ZFYVE28: variants seen among roughly 807,000 people sequenced by gnomAD.
The protein encoded by ZFYVE28 is lateral signaling target protein 2 homolog.
A neutral mutation model predicts 82.1 loss-of-function variants in ZFYVE28; 40 were observed. That is an observed-to-expected ratio of 0.49 (90% CI 0.38 to 0.63). The LOEUF (loss-of-function observed/expected upper bound fraction) is 0.63, where lower values mean the gene tolerates loss of function less well. Among genes scored for constraint, ZFYVE28 ranks in the 30% least tolerant of loss-of-function variants. The pLI, the probability that ZFYVE28 is intolerant of heterozygous loss-of-function variation, is 0.00. For synonymous variants in ZFYVE28, 612 were observed against 546.1 expected, an observed-to-expected ratio of 1.12 and a Z score of -1.68; for missense variants, 1,321 against 1,242.1, an observed-to-expected ratio of 1.06 and a Z score of -0.96.
intron 4 of ZFYVE28, among the ~76,000 whole-genome samples, chr4:2,338,520 G>C (rs1722220029): frequency 6.6e-6 from 1 of 152,230 alleles, no homozygotes; most frequent in Admixed American, 6.5e-5. Context: ...TTGAACTCAG[G>C]AGGTGGAGGT....
At position 2,341,748 on chromosome 4, in the gene ZFYVE28, G is replaced by A. The variant is rs886376247; in HGVS notation, c.181-133C>T. On this transcript the variant is annotated intron_variant, in intron 2 of 12. Coordinates refer to ENST00000290974, the MANE Select transcript of ZFYVE28 (RefSeq NM_020972.3). This position sits in a 1 kb window ranked among gnomAD's most constrained non-coding sequence, Gnocchi z 4.5. ...TAAAGTGATAGAGGAGGCTAGGCAC[G>A]GTGGCTCATGCCTATAATGCCAGCA... 3.8e-5 allele frequency: 50 copies of A among 1,306,718 alleles called. No individual in the cohort carries two copies. Among genetic ancestry groups the A allele is most frequent in the East Asian group, 2.7e-4 (11 of 40,168 alleles). The allele number at this position is 1,306,718 out of a possible 1,614,324, so 80.9% of individuals were successfully genotyped here.
chr4:2,296,369 T>G (rs1714573888), intron 8 of ZFYVE28, among the ~76,000 whole-genome samples: 1 of 152,214 alleles, frequency 6.6e-6, no homozygotes, highest in Non-Finnish European at 1.5e-5. Context: ...CCCTCTCACC[T>G]GGGCCTGTGC....
intron 7 of ZFYVE28, among the ~76,000 whole-genome samples, chr4:2,319,306 C>T (rs1225971122): frequency 1.3e-5 from 2 of 152,184 alleles, no homozygotes; most frequent in Non-Finnish European, 2.9e-5. Context: ...CCAGATGAAA[C>T]ATGGACTGAA....
intron 7 of ZFYVE28, among the ~76,000 whole-genome samples, chr4:2,311,079 AGTT>A (rs1717407867): frequency 6.6e-6 from 1 of 152,144 alleles, no homozygotes; most frequent in African/African-American, 2.4e-5. Context: ...AGTGATATAA[AGTT>A]GTTTATAATA....
intron 1 of ZFYVE28, among the ~76,000 whole-genome samples, chr4:2,415,144 C>T (rs116657164): frequency 3.3e-5 from 5 of 152,294 alleles, no homozygotes; most frequent in African/African-American, 1.2e-4. Context: ...TTGTATTATT[C>T]ATCAGGCATT....
At chr4:2,356,933 C>T (rs1286060670) in intron 1 of ZFYVE28, among the ~76,000 whole-genome samples, 5 of 152,114 alleles carry the variant, frequency 3.3e-5, no homozygotes, top group Admixed American at 6.5e-5. Context: ...GGCTGGAGTA[C>T]ACTCTGCTGC....
At position 2,355,246 on chromosome 4, in the gene ZFYVE28, ATATATATATATATATATATATATAT is replaced by A. The variant is rs1560269936; in HGVS notation, c.40-1198_40-1174del. Among the ~76,000 whole-genome samples, 86 of 22,170 alleles carry A rather than the reference ATATATATATATATATATATATATAT, an allele frequency of 3.9e-3. 13 individuals are homozygous for A. Among genetic ancestry groups the A allele is most frequent in the African/African-American group, 0.017 (72 of 4,198 alleles). 14.5% of individuals were successfully genotyped at this position (22,170 alleles called of 152,430 possible). A position where few individuals can be genotyped will look rare whatever the true frequency, so the allele number is the denominator to read the frequency against. On this transcript the variant is annotated intron_variant, in intron 1 of 12. Coordinates refer to ENST00000290974, the MANE Select transcript of ZFYVE28 (RefSeq NM_020972.3). ...TATATATATATATATATATATATATATATATATATATATATATATATATATAATGATTCTTCTTTTTTTTTTTTTT... is the reference window on the plus strand; with the variant it reads ...TATATATATATATATATATATATATAAATGATTCTTCTTTTTTTTTTTTTT...
chr4:2,370,556 G>A (rs563271936), intron 1 of ZFYVE28, among the ~76,000 whole-genome samples: 6 of 152,270 alleles, frequency 3.9e-5, no homozygotes, highest in South Asian at 2.1e-4. Flanking sequence ...GTGGGACACC[G>A]GCAGGACAGA....
intron 1 of ZFYVE28, among the ~76,000 whole-genome samples, chr4:2,395,828 G>A (rs1251831562): frequency 1.3e-5 from 2 of 151,726 alleles, no homozygotes; most frequent in Non-Finnish European, 1.5e-5. Context: ...GGAGGCGGCG[G>A]GACTCCAGAT....
intron 7 of ZFYVE28, among the ~76,000 whole-genome samples, chr4:2,315,720 T>C (rs143994278): frequency 0.011 from 1,698 of 152,362 alleles, 30 homozygotes; most frequent in African/African-American, 0.039. Context: ...TTTTTGTCTT[T>C]GTTTTTGGCA....
intron 1 of ZFYVE28, among the ~76,000 whole-genome samples, chr4:2,413,037 C>A (rs192717796): frequency 6.6e-6 from 1 of 152,186 alleles, no homozygotes; most frequent in African/African-American, 2.4e-5. Context: ...CCTGCCCTGC[C>A]AGGGAAGGAG....
At position 2,416,101 on chromosome 4, in the gene ZFYVE28, T is replaced by C. The variant is rs1184793303; in HGVS notation, c.39+2184A>G. The stretch of plus-strand genomic sequence containing the variant: ...TGATCCCTGGGATCAGCTGATTCAC[T>C]GGCTGTGCCCTCTTGGTGCCCGCCG... On this transcript the variant is annotated intron_variant, in intron 1 of 12. Coordinates refer to ENST00000290974, the MANE Select transcript of ZFYVE28 (RefSeq NM_020972.3). This position sits in a 1 kb window ranked among gnomAD's most constrained non-coding sequence, Gnocchi z 4.6. Among the ~76,000 whole-genome samples the C allele has an allele frequency of 2.0e-5, 3 of 152,214 alleles. No homozygotes were observed. Among genetic ancestry groups the C allele is most frequent in the Non-Finnish European group, 2.9e-5 (2 of 68,032 alleles).
chr4:2,338,917 C>T (rs149053907), intron 4 of ZFYVE28, among the ~76,000 whole-genome samples: 3,286 of 152,240 alleles, frequency 0.022, 118 homozygotes, highest in African/African-American at 0.07. Flanking sequence ...CTCTGCCTCC[C>T]GGGTTCAAGC....
intron 3 of ZFYVE28, among the ~76,000 whole-genome samples, chr4:2,340,323 C>T (rs899479362): frequency 1.4e-4 from 22 of 152,300 alleles, no homozygotes; most frequent in African/African-American, 4.8e-4. Flanking sequence ...GGCAGCTCCC[C>T]AGCGTGCGCT....
At chr4:2,292,052 C>T (rs947356619) in intron 8 of ZFYVE28, among the ~76,000 whole-genome samples, 1 of 152,186 alleles carries the variant, frequency 6.6e-6, no homozygotes, top group African/African-American at 2.4e-5. Context: ...CCAGCACGTC[C>T]CCCAACCAGG....
At chr4:2,303,517 G>C (rs2108821470) in intron 8 of ZFYVE28, among the ~76,000 whole-genome samples, 1 of 152,308 alleles carries the variant, frequency 6.6e-6, no homozygotes, top group Middle Eastern at 3.4e-3. Flanking sequence ...GCCACAGCCA[G>C]AGTGGGAGCC....
intron 5 of ZFYVE28, among the ~76,000 whole-genome samples, chr4:2,336,467 A>T (rs1322481262): frequency 1.3e-5 from 2 of 152,230 alleles, no homozygotes; most frequent in African/African-American, 4.8e-5. Flanking sequence ...AACAAGAGAA[A>T]CATCAAGGTT....
chr4:2,324,177 T>C (rs1374052556), intron 6 of ZFYVE28, among the ~76,000 whole-genome samples: 3 of 151,824 alleles, frequency 2.0e-5, no homozygotes, highest in Admixed American at 6.6e-5. Flanking sequence ...CGGAGAAGAG[T>C]TGACACGGCA....
At position 2,274,202 on chromosome 4, in the gene ZFYVE28, C is replaced by T; in HGVS notation, c.2066G>A (p.Gly689Glu). 1.2e-6 allele frequency: 2 copies of T among 1,613,388 alleles called. No homozygotes were observed. Among genetic ancestry groups the T allele is most frequent in the Non-Finnish European group, 1.7e-6 (2 of 1,179,726 alleles). ...CCCCATCTTGTCTGAGGAGCAGGACCCAGCTGTGGAGCTGCTGCATGGAGA... is the reference window on the plus strand; with the variant it reads ...CCCCATCTTGTCTGAGGAGCAGGACTCAGCTGTGGAGCTGCTGCATGGAGA... ...ALSGSSSSTA[G>E]SCSSDKMGPE... Residue 689 changes from glycine (G) to glutamate (E), a missense_variant, in exon 9 of 13, where the codon GGG becomes GAG. Physicochemically the swap from Gly to Glu is moderately conservative, Grantham distance 98. Around this residue, in one of 2 missense-constraint regions of ZFYVE28, gnomAD observed 978 missense variants for 833.7 expected, o/e 1.17. Coordinates refer to ENST00000290974, the MANE Select transcript of ZFYVE28 (RefSeq NM_020972.3).
Sources: gnomAD v4.1 joint callset for allele counts (sites outside exome capture counted in the v4.1 genomes callset) on GRCh38, gnomAD v4.1.1 for gene constraint, gnomAD v4.1.1 regional missense constraint, Gnocchi (gnomAD v3.1) non-coding constraint, MANE v1.5 for transcripts, NCBI Gene and HGNC (gene_info 2026-07-23, HGNC 2026-07-21) for gene names.